The following SV2C variants were observed in gnomAD, a reference collection of about 807,000 sequenced individuals.
SV2C encodes synaptic vesicle glycoprotein 2C.
Under a neutral mutation model 79.7 loss-of-function variants are expected in SV2C, and 49 were observed. The observed-to-expected ratio is 0.61, with a 90% confidence interval of 0.49 to 0.78. The LOEUF (loss-of-function observed/expected upper bound fraction) is 0.78. Among genes scored for constraint, SV2C ranks in the 30% least tolerant of loss-of-function variants. The pLI, the probability that SV2C is intolerant of heterozygous loss-of-function variation, is 0.00. For synonymous variants in SV2C, 334 were observed against 333.2 expected, an observed-to-expected ratio of 1.00 and a Z score of -0.03; for missense variants, 833 against 912.9, an observed-to-expected ratio of 0.91 and a Z score of 1.13.
chr5:76,040,304 T>C, the SV2C span, among the ~76,000 whole-genome samples: 1 of 152,192 alleles, frequency 6.6e-6, no homozygotes, highest in East Asian at 1.9e-4. Flanking sequence ...GGAAAGATAA[T>C]GGGTTAAAAA....
At chr5:75,904,590 C>T in the SV2C span, among the ~76,000 whole-genome samples, 1 of 152,000 alleles carries the variant, frequency 6.6e-6, no homozygotes, top group Non-Finnish European at 1.5e-5. Context: ...TAAAATGGAG[C>T]CCTGAATCCC....
intron 3 of SV2C, among the ~76,000 whole-genome samples, chr5:76,201,166 C>T (rs1415234607): frequency 6.6e-6 from 1 of 152,190 alleles, no homozygotes; most frequent in African/African-American, 2.4e-5. Context: ...TAGGACATCA[C>T]CAATTACTCA....
At chr5:76,079,272 G>T, upstream of SV2C, 1 of 321,012 alleles carries the variant, frequency 3.1e-6, no homozygotes, top group South Asian at 3.9e-5. Flanking sequence ...GGCTGAGATG[G>T]GGGCATATTA....
chr5:75,944,027 T>C, the SV2C span, among the ~76,000 whole-genome samples: 1 of 152,128 alleles, frequency 6.6e-6, no homozygotes, highest in African/African-American at 2.4e-5. Flanking sequence ...ACTAATTCTA[T>C]TTTTTTAAGA....
chr5:76,052,299 C>A, the SV2C span, among the ~76,000 whole-genome samples: 1 of 152,108 alleles, frequency 6.6e-6, no homozygotes, highest in Non-Finnish European at 1.5e-5. Flanking sequence ...AAAGAGAAAG[C>A]TTTAAGCATA....
At chr5:75,981,124 A>C in the SV2C span, among the ~76,000 whole-genome samples, 2 of 152,182 alleles carry the variant, frequency 1.3e-5, no homozygotes, top group Non-Finnish European at 2.9e-5. Flanking sequence ...AATTGCCATA[A>C]AATGAATAAA....
chr5:76,203,876 G>A (rs1744528432), intron 3 of SV2C, among the ~76,000 whole-genome samples: 1 of 152,190 alleles, frequency 6.6e-6, no homozygotes, highest in African/African-American at 2.4e-5. Flanking sequence ...CCATCCTTTG[G>A]CATTGCCACT....
At chr5:76,185,664 G>A (rs1743891031) in intron 2 of SV2C, among the ~76,000 whole-genome samples, 1 of 152,248 alleles carries the variant, frequency 6.6e-6, no homozygotes, top group Non-Finnish European at 1.5e-5. Flanking sequence ...GAAGCAGCTG[G>A]GATTCAGGGC....
intron 2 of SV2C, among the ~76,000 whole-genome samples, chr5:76,140,700 C>T (rs1749224442): frequency 6.6e-6 from 1 of 152,118 alleles, no homozygotes; most frequent in African/African-American, 2.4e-5. Flanking sequence ...TAGCTTTATT[C>T]CAAATTTGTG....
At chr5:76,166,529 G>A (rs1046908069) in intron 2 of SV2C, among the ~76,000 whole-genome samples, 10 of 152,106 alleles carry the variant, frequency 6.6e-5, no homozygotes, top group Non-Finnish European at 1.3e-4. Context: ...TAGGAGCTAG[G>A]AATTAAAATA....
At chr5:76,168,031 G>A (rs1206224922) in intron 2 of SV2C, among the ~76,000 whole-genome samples, 1 of 152,052 alleles carries the variant, frequency 6.6e-6, no homozygotes, top group Non-Finnish European at 1.5e-5. Context: ...TGTAAATCCT[G>A]GTTAGGACAT....
chr5:76,193,741 A>G (rs2112325388), intron 2 of SV2C, among the ~76,000 whole-genome samples: 1 of 152,332 alleles, frequency 6.6e-6, no homozygotes. Flanking sequence ...GGCTTTAGTC[A>G]GAGAAACATC....
chr5:76,352,042 A>G (rs1278507539), intron 12 of SV2C, among the ~76,000 whole-genome samples: 2 of 152,020 alleles, frequency 1.3e-5, no homozygotes, highest in Admixed American at 6.6e-5. Flanking sequence ...GTGAAACCCT[A>G]TCTCTACTAA....
chr5:76,302,180 A>C (rs1748030113), intron 12 of SV2C, among the ~76,000 whole-genome samples: 1 of 152,210 alleles, frequency 6.6e-6, no homozygotes, highest in South Asian at 2.1e-4. Flanking sequence ...CCCACATTTT[A>C]AGTGGCTAAC....
the SV2C span, among the ~76,000 whole-genome samples, chr5:75,968,489 A>T: frequency 1.3e-5 from 2 of 152,236 alleles, no homozygotes; most frequent in African/African-American, 4.8e-5. Context: ...AAAGGACCTG[A>T]TGGAGCTGAA....
At chr5:75,956,284 A>T in the SV2C span, among the ~76,000 whole-genome samples, 2 of 147,110 alleles carry the variant, frequency 1.4e-5, no homozygotes, top group Non-Finnish European at 3.0e-5. Flanking sequence ...TTCTCAGTAA[A>T]CTATCGCAAG....
the SV2C span, among the ~76,000 whole-genome samples, chr5:75,879,756 C>T: frequency 6.6e-6 from 1 of 152,200 alleles, no homozygotes; most frequent in Non-Finnish European, 1.5e-5. Context: ...AGGCAATGCC[C>T]CAGTGGGGAC....
the SV2C span, among the ~76,000 whole-genome samples, chr5:75,867,430 C>T: frequency 6.6e-6 from 1 of 152,056 alleles, no homozygotes; most frequent in African/African-American, 2.4e-5. Context: ...GCTGGGAGAA[C>T]TTAGACCACC....
chr5:76,259,773 T>A (rs1746404296), intron 4 of SV2C, among the ~76,000 whole-genome samples: 1 of 152,206 alleles, frequency 6.6e-6, no homozygotes, highest in Non-Finnish European at 1.5e-5. Context: ...GCAAAGGACA[T>A]GAACTCATTC....
Sources: gnomAD v4.1 joint callset for allele counts (sites outside exome capture counted in the v4.1 genomes callset) on GRCh38, gnomAD v4.1.1 for gene constraint, MANE v1.5 for transcripts, NCBI Gene and HGNC (gene_info 2026-07-23, HGNC 2026-07-21) for gene names.